The following CTNNA2 variants were observed in gnomAD, a reference collection of about 807,000 sequenced individuals.
The protein encoded by CTNNA2 is catenin alpha-2.
In CTNNA2, 42 loss-of-function variants were observed where a neutral mutation model predicts 101.0. The ratio of observed to expected loss-of-function variants is 0.42; its 90% CI spans 0.32 to 0.54. CTNNA2 has a LOEUF of 0.54. Ranked by LOEUF, CTNNA2 falls within the 20% of genes least tolerant of loss-of-function variation. The probability of loss-of-function intolerance (pLI) is 0.14; values close to 1 mark genes in which losing one functional copy is unlikely to be tolerated. For missense variants in CTNNA2, 871 were observed against 1,223.1 expected (o/e 0.71, Z 4.29); for synonymous variants, 450 against 456.4 (o/e 0.99, Z 0.18).
intron 7 of CTNNA2, among the ~76,000 whole-genome samples, chr2:80,378,245 A>G (rs981195050): frequency 1.3e-5 from 2 of 152,012 alleles, no homozygotes; most frequent in African/African-American, 4.8e-5. Flanking sequence ...AATCCCAGCT[A>G]CTTGGGAGGC....
chr2:79,390,723 G>A (rs1678162259), intron 4 of CTNNA2, among the ~76,000 whole-genome samples: 1 of 152,154 alleles, frequency 6.6e-6, no homozygotes, highest in South Asian at 2.1e-4. Context: ...TATCTTCCAC[G>A]ATGGTTGTAG....
chr2:79,468,026 C>T (rs1670958135), intron 4 of CTNNA2, among the ~76,000 whole-genome samples: 1 of 152,082 alleles, frequency 6.6e-6, no homozygotes, highest in Non-Finnish European at 1.5e-5. Flanking sequence ...TCACACATAA[C>T]AATATTAACC....
chr2:79,908,441 T>C (rs1476742763), intron 6 of CTNNA2, among the ~76,000 whole-genome samples: 2 of 152,026 alleles, frequency 1.3e-5, no homozygotes, highest in Non-Finnish European at 2.9e-5. Flanking sequence ...CCTCTGAGAG[T>C]GCACCCCCAA....
intron 3 of CTNNA2, among the ~76,000 whole-genome samples, chr2:79,841,776 A>G (rs1413969572): frequency 6.6e-6 from 1 of 152,216 alleles, no homozygotes; most frequent in Admixed American, 6.5e-5. Context: ...CCCTCTGCAG[A>G]GCAAAGGAAA....
chr2:79,891,653 C>T (rs1574243896), intron 6 of CTNNA2, among the ~76,000 whole-genome samples: 1 of 152,226 alleles, frequency 6.6e-6, no homozygotes, highest in Non-Finnish European at 1.5e-5. Context: ...TTCAGATTCT[C>T]TCAAGTCTAC....
intron 5 of CTNNA2, among the ~76,000 whole-genome samples, chr2:79,505,334 T>A (rs1278313271): frequency 6.6e-6 from 1 of 152,214 alleles, no homozygotes; most frequent in Non-Finnish European, 1.5e-5. Context: ...TTCTACGTGT[T>A]TGAACTGTCT....
intron 7 of CTNNA2, among the ~76,000 whole-genome samples, chr2:80,087,051 A>T (rs1699485133): frequency 2.6e-5 from 4 of 152,044 alleles, no homozygotes; most frequent in African/African-American, 2.4e-5. Context: ...ATTATAAGAC[A>T]GACCAGATAC....
At chr2:79,735,191 G>A (rs1573826506) in intron 2 of CTNNA2, among the ~76,000 whole-genome samples, 1 of 152,128 alleles carries the variant, frequency 6.6e-6, no homozygotes, top group Admixed American at 6.5e-5. Flanking sequence ...CAAAAATGGA[G>A]CTTATCTGTG....
intron 7 of CTNNA2, among the ~76,000 whole-genome samples, chr2:80,045,217 T>C (rs1033504377): frequency 2.6e-5 from 4 of 152,170 alleles, no homozygotes; most frequent in African/African-American, 9.7e-5. Flanking sequence ...ATCTGTGATC[T>C]GTCCATTAAA....
intron 7 of CTNNA2, among the ~76,000 whole-genome samples, chr2:80,362,196 G>A (rs887443404): frequency 6.6e-6 from 1 of 152,078 alleles, no homozygotes; most frequent in Non-Finnish European, 1.5e-5. Flanking sequence ...TTTCTTCCTT[G>A]ATAACATTTC....
At chr2:79,720,767 T>C (rs992639915) in intron 2 of CTNNA2, among the ~76,000 whole-genome samples, 2 of 152,110 alleles carry the variant, frequency 1.3e-5, no homozygotes, top group Admixed American at 1.3e-4. Flanking sequence ...TCAGTTCTAA[T>C]AGCTTTTTCA....
intron 4 of CTNNA2, among the ~76,000 whole-genome samples, chr2:79,420,806 T>C (rs1218514801): frequency 6.6e-6 from 1 of 152,134 alleles, no homozygotes; most frequent in Non-Finnish European, 1.5e-5. Flanking sequence ...CTTAGACCTC[T>C]CATCTATAGA....
intron 9 of CTNNA2, among the ~76,000 whole-genome samples, chr2:80,541,435 C>G (rs1341193910): frequency 6.6e-6 from 1 of 152,146 alleles, no homozygotes; most frequent in Non-Finnish European, 1.5e-5. Flanking sequence ...GCATTGCTAG[C>G]TTGGTTTCCC....
At chr2:79,706,362 C>CAAAAAA in intron 2 of CTNNA2, among the ~76,000 whole-genome samples, 1 of 78,008 alleles carries the variant, frequency 1.3e-5, no homozygotes, top group Non-Finnish European at 2.4e-5. Context: ...GACTCCGTCT[C>CAAAAAA]AAAAAAAAAA....
At chr2:79,653,506 A>G (rs1479777355) in intron 2 of CTNNA2, among the ~76,000 whole-genome samples, 3 of 152,142 alleles carry the variant, frequency 2.0e-5, no homozygotes, top group African/African-American at 7.2e-5. Flanking sequence ...GAAGTGGCTG[A>G]GGGGATCCAT....
At chr2:80,525,125 G>A (rs764892402) in intron 9 of CTNNA2, among the ~76,000 whole-genome samples, 1 of 151,828 alleles carries the variant, frequency 6.6e-6, no homozygotes, top group Non-Finnish European at 1.5e-5. Context: ...TGAAGCAGAA[G>A]ACAAGCAATG....
At chr2:80,573,188 AT>A (rs1389074476) in intron 12 of CTNNA2, 1 of 152,162 alleles carries the variant, frequency 6.6e-6, no homozygotes, top group African/African-American at 2.4e-5. Context: ...TACTATACAA[AT>A]TGATTGTTAC....
chr2:79,237,675 C>A (rs1821419), intron 2 of CTNNA2, among the ~76,000 whole-genome samples: 58,824 of 152,120 alleles, frequency 0.39, 12,946 homozygotes, highest in Non-Finnish European at 0.48. Flanking sequence ...GGATAAATTA[C>A]AGACACTTCT....
At chr2:80,465,499 T>C (rs1248739) in intron 9 of CTNNA2, among the ~76,000 whole-genome samples, 150,209 of 152,244 alleles carry the variant, frequency 0.99, 74,109 homozygotes, top group East Asian at 1. Flanking sequence ...GAACAGGTAT[T>C]TCTTTGAGTA....
Sources: gnomAD v4.1 joint callset for allele counts (sites outside exome capture counted in the v4.1 genomes callset) on GRCh38, gnomAD v4.1.1 for gene constraint, MANE v1.5 for transcripts, NCBI Gene and HGNC (gene_info 2026-07-23, HGNC 2026-07-21) for gene names.